The following GSE1 variants were observed in gnomAD, a reference collection of about 807,000 sequenced individuals.
The protein encoded by GSE1 is Gse1 coiled-coil protein, also known as genetic suppressor element 1.
A neutral mutation model predicts 112.6 loss-of-function variants in GSE1; 32 were observed. The ratio of observed to expected loss-of-function variants is 0.28; its 90% CI spans 0.21 to 0.38. The LOEUF (loss-of-function observed/expected upper bound fraction) is 0.38. Ranked by LOEUF, GSE1 falls within the 10% of genes least tolerant of loss-of-function variation. GSE1 has a pLI of 1.00. For synonymous variants in GSE1, 1,115 were observed against 735.6 expected (o/e 1.52, Z -8.35); for missense variants, 2,348 against 1,699.2 (o/e 1.38, Z -6.71).
At chr16:85,437,184 C>T (rs2049268198) in intron 2 of GSE1, among the ~76,000 whole-genome samples, 1 of 152,144 alleles carries the variant, frequency 6.6e-6, no homozygotes, top group Non-Finnish European at 1.5e-5. Flanking sequence ...GCCATCTGAT[C>T]TCCCTCCCTG....
At chr16:85,610,150 C>T (rs527386538), upstream of GSE1, among the ~76,000 whole-genome samples, 2 of 152,314 alleles carry the variant, frequency 1.3e-5, no homozygotes, top group South Asian at 2.1e-4. Context: ...TGAGCAAACG[C>T]GCACCAGGCA....
At chr16:85,378,544 A>G (rs1208509290) in intron 2 of GSE1, among the ~76,000 whole-genome samples, 1 of 152,128 alleles carries the variant, frequency 6.6e-6, no homozygotes, top group East Asian at 1.9e-4. Context: ...CAGCACCATG[A>G]CAGCGTACAC....
At chr16:85,453,165 A>T (rs1433636464) in intron 2 of GSE1, among the ~76,000 whole-genome samples, 1 of 152,096 alleles carries the variant, frequency 6.6e-6, no homozygotes, top group Non-Finnish European at 1.5e-5. Context: ...CAGCTCCCGT[A>T]TCGGGGGAAG....
At chr16:85,329,201 G>C (rs1230268121) in intron 1 of GSE1, among the ~76,000 whole-genome samples, 1 of 152,188 alleles carries the variant, frequency 6.6e-6, no homozygotes, top group Non-Finnish European at 1.5e-5. Context: ...CCCTTTAGGA[G>C]CTAGCCAAGG....
At chr16:85,366,340 T>C (rs887314060) in intron 2 of GSE1, among the ~76,000 whole-genome samples, 6 of 152,240 alleles carry the variant, frequency 3.9e-5, no homozygotes, top group Non-Finnish European at 8.8e-5. Flanking sequence ...TGCTGCAGCA[T>C]GACTGCCTCC....
intron 2 of GSE1, among the ~76,000 whole-genome samples, chr16:85,444,206 G>C (rs1010058386): frequency 6.6e-6 from 1 of 152,042 alleles, no homozygotes; most frequent in Admixed American, 6.5e-5. Context: ...GGATGGTCTC[G>C]ATCTCTTGAC....
At position 85,655,816 on chromosome 16, in the gene GSE1, G is replaced by A. The variant is rs149441095; in HGVS notation, c.888G>A (p.Ala296=). 108 of 1,601,382 alleles carry A rather than the reference G, an allele frequency of 6.7e-5. No homozygotes were observed. The African/African-American group carries it at 1.2e-3, about 18-fold the overall frequency. Residue 296 remains alanine, a synonymous_variant, in exon 6 of 16, where the codon GCG becomes GCA. Coordinates refer to ENST00000253458, the MANE Select transcript of GSE1 (RefSeq NM_014615.5). ...PGSLPPLHPS[A]MHLHLSGVRY... ...CCCTGCCCCCACTGCACCCATCAGC[G>A]ATGCACCTGCACCTCTCTGGGGTCC...
chr16:85,624,449 T>C (rs2048936915), intron 1 of GSE1, among the ~76,000 whole-genome samples: 1 of 152,234 alleles, frequency 6.6e-6, no homozygotes, highest in African/African-American at 2.4e-5. Flanking sequence ...AGAGCCTTCC[T>C]ATTCCCAGCC....
rs148818556 is a variant in GSE1 at position 85,586,405 on chromosome 16, C to T, written c.37+30042C>T. ...GAGTGCCGAGTGCCGGGAGGGACAG[C>T]CCCTCTCCTCCAGCCCCATCTCTCT... On this transcript the variant is annotated intron_variant, in intron 1 of 2. Coordinates refer to the GSE1 transcript ENST00000635906. Among the ~76,000 whole-genome samples the T allele has an allele frequency of 8.1e-4, 124 of 152,334 alleles. No individual in the cohort carries two copies. The Middle Eastern group carries it at 0.014, about 17-fold the overall frequency.
intron 1 of GSE1, among the ~76,000 whole-genome samples, chr16:85,260,069 C>G (rs1907510793): frequency 1.3e-5 from 2 of 152,142 alleles, no homozygotes; most frequent in African/African-American, 4.8e-5. Context: ...GGGCTGGTGT[C>G]CCCGTGTGAG....
At chr16:85,436,999 G>A (rs374485470) in intron 2 of GSE1, among the ~76,000 whole-genome samples, 15 of 152,324 alleles carry the variant, frequency 9.8e-5, no homozygotes, top group African/African-American at 3.6e-4. Flanking sequence ...GGCGGAGCCC[G>A]GGCAGAGGCC....
chr16:85,488,085 T>C (rs2151887765), intron 2 of GSE1, among the ~76,000 whole-genome samples: 1 of 152,292 alleles, frequency 6.6e-6, no homozygotes, highest in East Asian at 1.9e-4. Context: ...GTCCTCGCTG[T>C]GACCTTGCAG....
At chr16:85,351,719 G>T (rs969181618) in intron 1 of GSE1, among the ~76,000 whole-genome samples, 1 of 152,244 alleles carries the variant, frequency 6.6e-6, no homozygotes, top group Non-Finnish European at 1.5e-5. Flanking sequence ...GCTGGGCGCA[G>T]TGGCTCATGC....
rs147820281 is a variant in GSE1, at chr16:85,361,725, C to T, written c.2464+4082C>T. 3.0e-3 allele frequency among the ~76,000 whole-genome samples: 464 copies of T among 152,332 alleles called. 4 individuals are homozygous for T. The highest frequency in any genetic ancestry group is 0.011 in the African/African-American group (439 of 41,572). ...AAGCAGGTACAGGAGGAGCCTGTGC[C>T]GACCTGGGCCCTGGGCAGAGTCCCC... On this transcript the variant is annotated intron_variant, in intron 2 of 2. Transcript: ENST00000637419.
chr16:85,672,110 T>C, intron 15 of GSE1: 1 of 332,034 alleles, frequency 3.0e-6, no homozygotes, highest in African/African-American at 2.1e-5. Flanking sequence ...GCGATTCTCC[T>C]GCCTCAGCCT....
At position 85,661,526 on chromosome 16, in the gene GSE1, T is replaced by A. The variant is rs566115765; in HGVS notation, c.2021T>A (p.Phe674Tyr). The A allele has an allele frequency of 1.2e-6, 2 of 1,611,232 alleles. No individual in the cohort carries two copies. Residue 674 changes from phenylalanine to tyrosine, a missense_variant, in exon 9 of 16, where the codon TTC becomes TAC. Physicochemically the swap from Phe to Tyr is conservative, Grantham distance 22. Transcript: ENST00000253458. ...HQPFLPGPGP[F>Y]LAELEKSTQT... Reference sequence around the variant, plus strand: ...CCCTTCCTGCCCGGGCCCGGGCCCTTCCTGGCTGAGCTCGAGAAGTCCACC... The same window carrying A: ...CCCTTCCTGCCCGGGCCCGGGCCCTACCTGGCTGAGCTCGAGAAGTCCACC...
At chr16:85,349,231 C>T (rs1368209797) in intron 1 of GSE1, among the ~76,000 whole-genome samples, 2 of 152,168 alleles carry the variant, frequency 1.3e-5, no homozygotes, top group East Asian at 1.9e-4. Flanking sequence ...TGACCCGAAG[C>T]CTTATCATTC....
At chr16:85,429,675 T>A (rs1056019923) in intron 2 of GSE1, among the ~76,000 whole-genome samples, 2 of 152,104 alleles carry the variant, frequency 1.3e-5, no homozygotes. Flanking sequence ...ACAGGCCTCC[T>A]CCCCTGTCCT....
chr16:85,301,642 C>T (rs2045529628), intron 1 of GSE1, among the ~76,000 whole-genome samples: 1 of 152,208 alleles, frequency 6.6e-6, no homozygotes, highest in Non-Finnish European at 1.5e-5. Flanking sequence ...GGACATCTGT[C>T]CCTCGTCTCG....
Sources: allele counts gnomAD v4.1 joint callset (sites outside exome capture counted in the v4.1 genomes callset), GRCh38; gene constraint gnomAD v4.1.1; transcripts MANE v1.5; gene names NCBI Gene and HGNC (gene_info 2026-07-23, HGNC 2026-07-21).